ENTREP2: variants seen among roughly 807,000 people sequenced by gnomAD.
The protein encoded by ENTREP2 is endosomal transmembrane epsin interactor 2.
chr15:29,452,257 C>T, the ENTREP2 span, among the ~76,000 whole-genome samples: 1 of 152,162 alleles, frequency 6.6e-6, no homozygotes, highest in Non-Finnish European at 1.5e-5. Flanking sequence ...CCCTCACCCA[C>T]CCCCATCTCC....
chr15:29,445,383 G>T, the ENTREP2 span, among the ~76,000 whole-genome samples: 1 of 152,092 alleles, frequency 6.6e-6, no homozygotes, highest in Admixed American at 6.5e-5. Flanking sequence ...TGATTAGAGC[G>T]TTGGAACTTT....
the ENTREP2 span, among the ~76,000 whole-genome samples, chr15:29,444,198 G>GAAAGAAAGAAAGAAAGAAAGAAAGA: frequency 7.2e-6 from 1 of 138,848 alleles, no homozygotes; most frequent in African/African-American, 2.9e-5. Context: ...AAGAAAGAAA[G>GAAAGAAAGAAAGAAAGAAAGAAAGA]AAAGAAAGAA....
chr15:29,542,778 A>G, the ENTREP2 span, among the ~76,000 whole-genome samples: 4 of 152,170 alleles, frequency 2.6e-5, no homozygotes, highest in Admixed American at 1.3e-4. Context: ...TCCTGCTTCT[A>G]TGAGTCTGGC....
At chr15:29,578,211 A>C in the ENTREP2 span, among the ~76,000 whole-genome samples, 1 of 152,218 alleles carries the variant, frequency 6.6e-6, no homozygotes, top group Admixed American at 6.5e-5. Context: ...AAACACTTGT[A>C]GGTTGCTGGA....
At chr15:29,600,749 G>A in the ENTREP2 span, among the ~76,000 whole-genome samples, 1 of 151,944 alleles carries the variant, frequency 6.6e-6, no homozygotes, top group African/African-American at 2.4e-5. Flanking sequence ...TGAGACTACA[G>A]GCATGAGCCA....
chr15:29,485,509 A>G, the ENTREP2 span, among the ~76,000 whole-genome samples: 17 of 152,338 alleles, frequency 1.1e-4, no homozygotes, highest in South Asian at 3.5e-3. Flanking sequence ...ACTCCTGGAA[A>G]ACACTAGAAG....
the ENTREP2 span, chr15:29,126,596 G>C: frequency 1.5e-5 from 15 of 970,412 alleles, no homozygotes; most frequent in Middle Eastern, 3.1e-4. Context: ...CTGAAACCCT[G>C]GGGGTGCGGA....
the ENTREP2 span, among the ~76,000 whole-genome samples, chr15:29,337,117 A>C: frequency 6.6e-6 from 1 of 152,212 alleles, no homozygotes; most frequent in Non-Finnish European, 1.5e-5. Context: ...AGGAAAATTA[A>C]TTTGAGATTA....
chr15:29,533,221 G>T, the ENTREP2 span, among the ~76,000 whole-genome samples: 3 of 152,136 alleles, frequency 2.0e-5, no homozygotes, highest in Admixed American at 6.5e-5. Flanking sequence ...CTCTTGCAGT[G>T]CGCTATGTCT....
chr15:29,509,135 C>A, the ENTREP2 span, among the ~76,000 whole-genome samples: 5 of 152,060 alleles, frequency 3.3e-5, no homozygotes, highest in Non-Finnish European at 7.4e-5. Context: ...AAATCATGAG[C>A]AAACTCCCAT....
chr15:29,421,989 C>T, the ENTREP2 span, among the ~76,000 whole-genome samples: 1 of 152,140 alleles, frequency 6.6e-6, no homozygotes, highest in African/African-American at 2.4e-5. Flanking sequence ...GACATGGGGC[C>T]GGGCACGGTG....
At chr15:29,654,602 G>C in the ENTREP2 span, among the ~76,000 whole-genome samples, 13 of 152,102 alleles carry the variant, frequency 8.5e-5, no homozygotes, top group East Asian at 3.9e-4. Context: ...AATCTACTTG[G>C]AGGAATTAGA....
chr15:29,148,611 T>A, the ENTREP2 span, among the ~76,000 whole-genome samples: 1 of 152,204 alleles, frequency 6.6e-6, no homozygotes, highest in Non-Finnish European at 1.5e-5. Context: ...TTTTGTTATT[T>A]TTATTGTGTT....
the ENTREP2 span, among the ~76,000 whole-genome samples, chr15:29,451,126 A>C: frequency 3.3e-5 from 5 of 152,204 alleles, no homozygotes; most frequent in Non-Finnish European, 5.9e-5. Flanking sequence ...AAGTGTTAAC[A>C]GCTCCAAATA....
chr15:29,422,885 G>A, the ENTREP2 span, among the ~76,000 whole-genome samples: 1 of 152,152 alleles, frequency 6.6e-6, no homozygotes, highest in Non-Finnish European at 1.5e-5. Context: ...GGGACATTGT[G>A]GCCAATGGAA....
chr15:29,285,286 C>A, the ENTREP2 span, among the ~76,000 whole-genome samples: 1 of 152,174 alleles, frequency 6.6e-6, no homozygotes, highest in East Asian at 1.9e-4. Context: ...TTTTCTCTTG[C>A]TCTCCATGTC....
At chr15:29,166,842 A>C in the ENTREP2 span, among the ~76,000 whole-genome samples, 1 of 152,172 alleles carries the variant, frequency 6.6e-6, no homozygotes. Context: ...TATGGAACCA[A>C]AAAAGAGCCC....
the ENTREP2 span, among the ~76,000 whole-genome samples, chr15:29,389,741 C>T: frequency 2.0e-5 from 3 of 152,160 alleles, no homozygotes; most frequent in Admixed American, 6.5e-5. Flanking sequence ...AGCCACATGC[C>T]GCCTGACGCT....
the ENTREP2 span, among the ~76,000 whole-genome samples, chr15:29,250,479 C>T: frequency 6.6e-6 from 1 of 152,132 alleles, no homozygotes; most frequent in Admixed American, 6.5e-5. Flanking sequence ...ATAGAGGAGA[C>T]CAAATCTCCC....
Sources: gnomAD v4.1 joint callset for allele counts (sites outside exome capture counted in the v4.1 genomes callset) on GRCh38, gnomAD v4.1.1 for gene constraint, MANE v1.5 for transcripts, NCBI Gene and HGNC (gene_info 2026-07-23, HGNC 2026-07-21) for gene names.